Variants in NIN observed in about 807,000 individuals in gnomAD.
NIN encodes the protein ninein.
NIN carries 137 observed loss-of-function variants against 257.6 expected under a neutral mutation model. The ratio of observed to expected loss-of-function variants is 0.53; its 90% CI spans 0.46 to 0.61. The LOEUF (loss-of-function observed/expected upper bound fraction) is 0.61. Ranked by LOEUF, NIN falls within the 20% of genes least tolerant of loss-of-function variation. The probability of loss-of-function intolerance (pLI) is 0.00; values close to 1 mark genes in which losing one functional copy is unlikely to be tolerated. For missense variants in NIN, 2,439 were observed against 2,501.2 expected, an observed-to-expected ratio of 0.98 and a Z score of 0.53; for synonymous variants, 918 against 919.8, an observed-to-expected ratio of 1.00 and a Z score of 0.04.
intron 12 of NIN, among the ~76,000 whole-genome samples, chr14:50,767,469 C>CA (rs1180125703): frequency 5.9e-5 from 9 of 152,096 alleles, no homozygotes; most frequent in Admixed American, 5.9e-4. Context: ...AAAATGATTA[C>CA]AAAATACCTT....
intron 4 of NIN, among the ~76,000 whole-genome samples, chr14:50,799,810 C>T (rs912398725): frequency 6.6e-6 from 1 of 152,044 alleles, no homozygotes. Context: ...CCTGTTTCTA[C>T]TAAAAATACA....
At chr14:50,826,795 C>G (rs2045477038) in intron 2 of NIN, among the ~76,000 whole-genome samples, 1 of 152,196 alleles carries the variant, frequency 6.6e-6, no homozygotes, top group Non-Finnish European at 1.5e-5. Context: ...TAGCCCAGGC[C>G]TTTTATTTCG....
In NIN at chr14:50,737,495, CAAAAAA is replaced by C. The variant is rs58386910; in HGVS notation, c.5775+639_5775+644del. Among the ~76,000 whole-genome samples, 380 of 54,448 alleles carry C rather than the reference CAAAAAA, an allele frequency of 7.0e-3. 2 individuals carry two copies. The highest frequency in any genetic ancestry group is 0.02 in the African/African-American group (354 of 17,560). 35.7% of individuals were successfully genotyped at this position (54,448 alleles called of 152,430 possible). ...AATGTTGTTTTAATTTGTTACATAG[CAAAAAA>C]AAAAAAAAAAAAAAAAAAAGCCCAT... is the stretch of plus-strand genomic sequence containing the variant. On this transcript the variant is annotated intron_variant, in intron 27 of 30. Coordinates refer to ENST00000530997, the MANE Select transcript of NIN (RefSeq NM_020921.4).
intron 12 of NIN, among the ~76,000 whole-genome samples, chr14:50,768,052 AACACACAC>A (rs61028485): frequency 0.15 from 20,732 of 138,910 alleles, 1,703 homozygotes; most frequent in East Asian, 0.32. Context: ...CACATTTGCC[AACACACAC>A]ACACACACAC....
intron 2 of NIN, among the ~76,000 whole-genome samples, chr14:50,823,846 A>C (rs1425460347): frequency 6.6e-6 from 1 of 152,258 alleles, no homozygotes; most frequent in African/African-American, 2.4e-5. Flanking sequence ...TTTCAAAATA[A>C]GTTGAGAGTG....
At chr14:50,824,273 C>T (rs1201636309) in intron 2 of NIN, among the ~76,000 whole-genome samples, 7 of 152,210 alleles carry the variant, frequency 4.6e-5, no homozygotes, top group African/African-American at 1.2e-4. Flanking sequence ...ATCTTATCCA[C>T]GGTGTCGAAT....
At position 50,831,113 on chromosome 14, in the gene NIN, C is replaced by G. The variant is rs1027579518; in HGVS notation, c.-183G>C. ...CGGCCGCGCCCAGCGCGCTCGGCTCCCGGCTCGGCCGCGGCCACCCGGAGC... is the reference window on the plus strand; with the variant it reads ...CGGCCGCGCCCAGCGCGCTCGGCTCGCGGCTCGGCCGCGGCCACCCGGAGC... On this transcript the variant is annotated 5_prime_UTR_variant, in exon 1 of 31. Transcript: ENST00000530997. 1 of 149,778 alleles carries G rather than the reference C, an allele frequency of 6.7e-6. No individual in the cohort carries two copies. Among genetic ancestry groups the G allele is most frequent in the African/African-American group, 2.4e-5 (1 of 41,182 alleles). 9.3% of individuals were successfully genotyped at this position (149,778 alleles called of 1,614,324 possible).
At chr14:50,727,393 T>C in intron 29 of NIN, 2 of 1,032,212 alleles carry the variant, frequency 1.9e-6, no homozygotes, top group Non-Finnish European at 2.4e-6. Context: ...AATGAGAAAA[T>C]ATATAGACTA....
At chr14:50,727,685 G>T (rs371558652) in intron 29 of NIN, 12 of 1,440,768 alleles carry the variant, frequency 8.3e-6, no homozygotes, top group Middle Eastern at 1.9e-4. Flanking sequence ...TAGCAGCCCA[G>T]TTTTCACAGG....
rs759968375 is a variant in NIN, at chr14:50,757,867, G to C, written c.3163C>G (p.Gln1055Glu). The C allele has an allele frequency of 1.2e-6, 2 of 1,614,094 alleles. No homozygotes were observed. The highest frequency in any genetic ancestry group is 2.2e-5 in the South Asian group (2 of 91,078). ...TTTTCTTCCAACAGCTGCTCCCCTTGCTGAAGCAGGGACAGGGCTCCATCT... is the reference window on the plus strand; with the variant it reads ...TTTTCTTCCAACAGCTGCTCCCCTTCCTGAAGCAGGGACAGGGCTCCATCT... ...EGDGALSLLQ[Q>E]GEQLLEENGD... Residue 1055 changes from glutamine to glutamate, a missense_variant, in exon 18 of 31, where the codon CAA becomes GAA. By Grantham distance (29) the Gln-to-Glu change is conservative. Coordinates refer to ENST00000530997, the MANE Select transcript of NIN (RefSeq NM_020921.4).
chr14:50,800,012 AC>A (rs2044020893), intron 4 of NIN, among the ~76,000 whole-genome samples: 3 of 16,910 alleles, frequency 1.8e-4, no homozygotes, highest in African/African-American at 4.2e-4. Context: ...ACACATACAC[AC>A]ACACACACAC....
At chr14:50,776,571 T>C (rs1236340922) in intron 7 of NIN, among the ~76,000 whole-genome samples, 2 of 152,216 alleles carry the variant, frequency 1.3e-5, no homozygotes, top group Non-Finnish European at 2.9e-5. Flanking sequence ...TTCAAAATAC[T>C]CCCCCAACTC....
chr14:50,720,579 T>C lies in NIN; in HGVS notation c.*2884A>G, dbSNP rs2040252104. 9.6e-6 allele frequency: 2 copies of C among 207,518 alleles called. No homozygotes were observed. Among genetic ancestry groups the C allele is most frequent in the South Asian group, 3.8e-4 (2 of 5,318 alleles). The allele number at this position is 207,518 out of a possible 1,614,324, so 12.9% of individuals were successfully genotyped here. On this transcript the variant is annotated 3_prime_UTR_variant, in exon 31 of 31. Coordinates refer to ENST00000530997, the MANE Select transcript of NIN (RefSeq NM_020921.4). ...TATTCATGAAAAATATGCCGAAGGCTAAATATGCAATGCATTGAAATTTCT... is the reference window on the plus strand; with the variant it reads ...TATTCATGAAAAATATGCCGAAGGCCAAATATGCAATGCATTGAAATTTCT...
chr14:50,822,246 AGCCCTG>A, intron 2 of NIN, among the ~76,000 whole-genome samples, 169 bp from the exon 3 acceptor site: 1 of 152,336 alleles, frequency 6.6e-6, no homozygotes, highest in East Asian at 1.9e-4. Context: ...CTGTAGGACC[AGCCCTG>A]GCCAGTGACA....
At chr14:50,733,092 TTAA>T (rs1229699641) in intron 28 of NIN, among the ~76,000 whole-genome samples, 1 of 110,370 alleles carries the variant, frequency 9.1e-6, no homozygotes, top group African/African-American at 4.1e-5. Context: ...ATCTATAGCA[TTAA>T]TAATTTTTTT....
intron 25 of NIN, among the ~76,000 whole-genome samples, chr14:50,740,949 ACTTT>A (rs2041255058): frequency 6.6e-6 from 1 of 152,244 alleles, no homozygotes; most frequent in African/African-American, 2.4e-5. Context: ...AAAATGAGAC[ACTTT>A]CTACCACACC....
At position 50,738,279 on chromosome 14, in the gene NIN, T is replaced by A; in HGVS notation, c.5636A>T (p.Gln1879Leu). Residue 1879 changes from glutamine to leucine, a missense_variant, in exon 27 of 31, where the codon CAG becomes CTG. Gln to Leu is a moderately radical substitution (Grantham distance 113). This residue lies in a region of NIN where 2,043 missense variants were observed against 2,050.2 expected (regional missense o/e 1.00). Coordinates refer to ENST00000530997, the MANE Select transcript of NIN (RefSeq NM_020921.4). Reference protein sequence around the residue: ...ELTHSREKVRQLESNLLPKHQ... With the variant: ...ELTHSREKVRLLESNLLPKHQ... ...CTTGGGAAGAAGATTGGATTCCAAC[T>A]GACGGACCTAACAGGAACAAATGTA... 1 of 1,613,294 alleles carries A rather than the reference T, an allele frequency of 6.2e-7. No individual in the cohort carries two copies. Among genetic ancestry groups the A allele is most frequent in the Non-Finnish European group, 8.5e-7 (1 of 1,179,642 alleles).
intron 7 of NIN, 45 bp downstream of exon 7, chr14:50,776,904 A>C: frequency 6.5e-7 from 1 of 1,534,810 alleles, no homozygotes. Context: ...GGTCAACTAC[A>C]CTTTTACCAT....
chr14:50,777,051 T>C lies in NIN; in HGVS notation c.564A>G (p.Gln188=). The change falls in exon 7 of 31, where the codon CAA becomes CAG. Residue 188 remains glutamine (Q), a synonymous_variant. Transcript: ENST00000530997. ...TGATCCCCAAATCTTCACAAACTTC[T>C]TGCAGTTTCTCTTCTATCCAGTCTT... ...PPQDWIEEKL[Q]EVCEDLGITR... The C allele has an allele frequency of 1.9e-6, 3 of 1,614,234 alleles. No individual in the cohort carries two copies. Among genetic ancestry groups the C allele is most frequent in the Non-Finnish European group, 8.5e-7 (1 of 1,180,026 alleles).
Sources: gnomAD v4.1 joint callset for allele counts (sites outside exome capture counted in the v4.1 genomes callset) on GRCh38, gnomAD v4.1.1 for gene constraint, gnomAD v4.1.1 regional missense constraint, MANE v1.5 for transcripts, NCBI Gene and HGNC (gene_info 2026-07-23, HGNC 2026-07-21) for gene names.